ASAP3: variants seen among roughly 807,000 people sequenced by gnomAD.
The protein encoded by ASAP3 is arf-GAP with SH3 domain, ANK repeat and PH domain-containing protein 3.
Under a neutral mutation model 118.2 loss-of-function variants are expected in ASAP3, and 85 were observed. That is an observed-to-expected ratio of 0.72 (90% CI 0.60 to 0.86). ASAP3 has a LOEUF of 0.86. ASAP3 is among the 40% of genes least tolerant of loss of function. ASAP3 has a pLI of 0.00. For missense variants in ASAP3, 1,026 were observed against 1,175.0 expected (o/e 0.87, Z 1.85); for synonymous variants, 432 against 477.4 (o/e 0.90, Z 1.24).
chr1:23,473,974 CTTTTTT>C lies in ASAP3; in HGVS notation c.129+10025_129+10030del, dbSNP rs10664798. ...AGGCGAAAATGGCATTAAATCTGCTCTTTTTTTTTTTTTTTTTTTTTTTTGAGATGG... is the reference window on the plus strand; with the variant it reads ...AGGCGAAAATGGCATTAAATCTGCTCTTTTTTTTTTTTTTTTTTGAGATGG... On this transcript the variant is annotated intron_variant, in intron 1 of 24. Coordinates refer to ENST00000336689, the MANE Select transcript of ASAP3 (RefSeq NM_017707.4). Among the ~76,000 whole-genome samples the C allele has an allele frequency of 5.0e-3, 360 of 72,114 alleles. 3 individuals are homozygous for C. The highest frequency in any genetic ancestry group is 0.023 in the African/African-American group (339 of 14,722). 47.3% of individuals were successfully genotyped at this position (72,114 alleles called of 152,430 possible).
chr1:23,446,591 C>T (rs1477297250), intron 5 of ASAP3, among the ~76,000 whole-genome samples: 1 of 152,070 alleles, frequency 6.6e-6, no homozygotes, highest in African/African-American at 2.4e-5. Context: ...GCGCCCACAA[C>T]CACACCCAGC....
At chr1:23,440,995 G>T in intron 10 of ASAP3, 107 bp downstream of exon 10, 3 of 1,022,994 alleles carry the variant, frequency 2.9e-6, no homozygotes, top group East Asian at 2.4e-5. Context: ...TGCAACCCTC[G>T]GTGTCTACAC....
At chr1:23,470,885 G>A (rs1292244495) in intron 1 of ASAP3, among the ~76,000 whole-genome samples, 1 of 152,190 alleles carries the variant, frequency 6.6e-6, no homozygotes, top group Non-Finnish European at 1.5e-5. Context: ...TCCTGGCTGG[G>A]ATTTTCCTCA....
In ASAP3 at chr1:23,452,704, C is replaced by A. The variant is rs1162544595; in HGVS notation, c.416G>T (p.Gly139Val). ...DSLMKGQLRD[G>V]RQDSKKQLEK... The stretch of plus-strand genomic sequence containing the variant: ...CCCAGCATGGAGACTCACCTGTCGA[C>A]CGTCCCTCAGCTGCCCCTTCATCAG... The change falls in exon 4 of 25, where the codon GGT (glycine) becomes GTT (valine). Residue 139 changes from glycine (G) to valine (V), a missense_variant. Transcript: ENST00000336689. 9.9e-6 allele frequency: 16 copies of A among 1,613,716 alleles called. No individual in the cohort carries two copies. The highest frequency in any genetic ancestry group is 1.4e-5 in the Non-Finnish European group (16 of 1,179,938).
chr1:23,438,689 G>T lies in ASAP3; in HGVS notation c.1102+58C>A. ...ACTGAAGCCCCCCGGGAGCTGACAG[G>T]TGTCTTAGAGAAGCCCTGAGCAGCT... On this transcript the variant is annotated intron_variant, in intron 12 of 24. Coordinates refer to ENST00000336689, the MANE Select transcript of ASAP3 (RefSeq NM_017707.4). This position sits in a 1 kb window ranked among gnomAD's most constrained non-coding sequence, Gnocchi z 4.9. 1.3e-6 allele frequency: 2 copies of T among 1,526,326 alleles called. No individual in the cohort carries two copies. Among genetic ancestry groups the T allele is most frequent in the Non-Finnish European group, 1.8e-6 (2 of 1,102,064 alleles). 94.5% of individuals were successfully genotyped at this position (1,526,326 alleles called of 1,614,324 possible).
intron 9 of ASAP3, 84 bp downstream of exon 9, chr1:23,441,303 G>C: frequency 6.2e-7 from 1 of 1,602,248 alleles, no homozygotes; most frequent in Non-Finnish European, 8.5e-7. Flanking sequence ...TTCTCCAGGG[G>C]ACCCTGTGGG....
chr1:23,482,897 A>G (rs951429184), intron 1 of ASAP3, among the ~76,000 whole-genome samples: 3 of 151,810 alleles, frequency 2.0e-5, no homozygotes, highest in African/African-American at 7.3e-5. Context: ...GTTTGCATTG[A>G]GCCAAGATCG....
At chr1:23,473,097 C>T (rs999477934) in intron 1 of ASAP3, among the ~76,000 whole-genome samples, 1 of 152,116 alleles carries the variant, frequency 6.6e-6, no homozygotes, top group Non-Finnish European at 1.5e-5. Flanking sequence ...TCAGAGCCTG[C>T]CTTTGTACAC....
In ASAP3 at chr1:23,428,607, T is replaced by A. The variant is rs1355882084; in HGVS notation, c.*1249A>T. The A allele has an allele frequency of 6.6e-6, 1 of 152,178 alleles. No individual in the cohort carries two copies. Among genetic ancestry groups the A allele is most frequent in the East Asian group, 1.9e-4 (1 of 5,194 alleles). The allele number at this position is 152,178 out of a possible 1,614,324, so 9.4% of individuals were successfully genotyped here. A position where few individuals can be genotyped will look rare whatever the true frequency, so the allele number is the denominator to read the frequency against. Reference sequence around the variant, plus strand: ...TATTAGAGATGAGTGAAATAACAAGTCTGAGATGAATGAAACCAGACACTG... The same window carrying A: ...TATTAGAGATGAGTGAAATAACAAGACTGAGATGAATGAAACCAGACACTG... On this transcript the variant is annotated 3_prime_UTR_variant, in exon 25 of 25. Coordinates refer to ENST00000336689, the MANE Select transcript of ASAP3 (RefSeq NM_017707.4).
Position 23,436,776 on chromosome 1 carries a change from C to A in ASAP3, c.1477-122G>T. 1 of 1,543,722 alleles carries A rather than the reference C, an allele frequency of 6.5e-7. No individual in the cohort carries two copies. ...CCGCCCTCCCGGTTCAGGCCCCGCCCCTGACCACCCGCTACCTGGCTTGTC... is the reference window on the plus strand; with the variant it reads ...CCGCCCTCCCGGTTCAGGCCCCGCCACTGACCACCCGCTACCTGGCTTGTC... On this transcript the variant is annotated intron_variant, in intron 15 of 24. Coordinates refer to ENST00000336689, the MANE Select transcript of ASAP3 (RefSeq NM_017707.4). The surrounding 1 kb of genome is among the most constrained non-coding windows in gnomAD (Gnocchi z 4.2).
rs1640749391 is a variant in ASAP3, at chr1:23,438,371, C to T, written c.1102+376G>A. On this transcript the variant is annotated intron_variant, in intron 12 of 24. Coordinates refer to ENST00000336689, the MANE Select transcript of ASAP3 (RefSeq NM_017707.4). This position sits in a 1 kb window ranked among gnomAD's most constrained non-coding sequence, Gnocchi z 4.9. ...GCCTGTGTCTGCTCTCACACAAAGC[C>T]TGCACCAAAGGCTCTGAAGAACGAA... 6.6e-6 allele frequency among the ~76,000 whole-genome samples: 1 copy of T among 152,260 alleles called. No homozygotes were observed. Among genetic ancestry groups the T allele is most frequent in the South Asian group, 2.1e-4 (1 of 4,830 alleles).
In ASAP3 at chr1:23,449,252, G is replaced by T. The variant is rs1462342696; in HGVS notation, c.473+2227C>A. Among the ~76,000 whole-genome samples the T allele has an allele frequency of 2.0e-5, 3 of 152,322 alleles. No individual in the cohort carries two copies. In the East Asian group the frequency reaches 5.8e-4, roughly 29 times the overall value. On this transcript the variant is annotated intron_variant, in intron 5 of 24. Transcript: ENST00000336689. ...GTGGTCAATAAATACTTGCTGAACT[G>T]AAGTGCTGAGTGCTTTATATGCACC... is the stretch of plus-strand genomic sequence containing the variant.
At chr1:23,468,953 C>CAAA (rs769202082) in intron 1 of ASAP3, among the ~76,000 whole-genome samples, 87 of 119,448 alleles carry the variant, frequency 7.3e-4, no homozygotes, top group African/African-American at 1.7e-3. Context: ...TGATAAAGTA[C>CAAA]AAAAAAAAAA....
intron 1 of ASAP3, among the ~76,000 whole-genome samples, chr1:23,468,536 G>C (rs1641849149): frequency 6.6e-6 from 1 of 152,116 alleles, no homozygotes; most frequent in Non-Finnish European, 1.5e-5. Flanking sequence ...TGTCCACAAA[G>C]ATGATTAAAT....
At chr1:23,458,771 C>T (rs1045496538) in intron 1 of ASAP3, among the ~76,000 whole-genome samples, 1 of 151,644 alleles carries the variant, frequency 6.6e-6, no homozygotes, top group African/African-American at 2.4e-5. Context: ...GAAACAGAAG[C>T]ATGTGTTTAC....
chr1:23,441,809 G>T, intron 7 of ASAP3, 79 bp from the exon 8 acceptor site: 1 of 1,488,202 alleles, frequency 6.7e-7, no homozygotes, highest in Non-Finnish European at 9.3e-7. Context: ...GGGAGAAGCT[G>T]CCGTAAGGAT....
intron 1 of ASAP3, among the ~76,000 whole-genome samples, chr1:23,477,775 A>G (rs1642180552): frequency 1.3e-5 from 2 of 152,198 alleles, no homozygotes; most frequent in South Asian, 4.1e-4. Flanking sequence ...ATGCAGTGGC[A>G]CCATCGGAGT....
chr1:23,461,625 C>A (rs186890343), intron 1 of ASAP3, among the ~76,000 whole-genome samples: 63 of 151,648 alleles, frequency 4.2e-4, no homozygotes, highest in African/African-American at 1.5e-3. Flanking sequence ...CGTGCCACTG[C>A]ACTCCAGCCT....
intron 1 of ASAP3, among the ~76,000 whole-genome samples, chr1:23,480,865 A>G (rs1642284962): frequency 6.6e-6 from 1 of 152,218 alleles, no homozygotes; most frequent in Non-Finnish European, 1.5e-5. Flanking sequence ...CGTAATGACT[A>G]TCTTAATATA....
Sources: allele counts gnomAD v4.1 joint callset (sites outside exome capture counted in the v4.1 genomes callset), GRCh38; gene constraint gnomAD v4.1.1; non-coding constraint Gnocchi (gnomAD v3.1); transcripts MANE v1.5; gene names NCBI Gene and HGNC (gene_info 2026-07-23, HGNC 2026-07-21).